KIAA1217: variants seen among roughly 807,000 people sequenced by gnomAD.
KIAA1217 encodes KIAA1217.
Under a neutral mutation model 163.9 loss-of-function variants are expected in KIAA1217, and 88 were observed. The ratio of observed to expected loss-of-function variants is 0.54; its 90% CI spans 0.45 to 0.64. The LOEUF is 0.64. Ranked by LOEUF, KIAA1217 falls within the 30% of genes least tolerant of loss-of-function variation. The pLI, the probability that KIAA1217 is intolerant of heterozygous loss-of-function variation, is 0.00. For missense variants in KIAA1217, 2,372 were observed against 2,475.0 expected (o/e 0.96, Z 0.88); for synonymous variants, 903 against 923.1 (o/e 0.98, Z 0.39).
At chr10:24,262,141 T>C (rs1041455194) in intron 2 of KIAA1217, among the ~76,000 whole-genome samples, 3 of 152,040 alleles carry the variant, frequency 2.0e-5, no homozygotes, top group South Asian at 2.1e-4. Context: ...GGGGATTTAT[T>C]TGAGGTCTGG....
In KIAA1217 at chr10:24,184,984, T is replaced by A. The variant is rs181272270; in HGVS notation, c.-170-34642T>A. On this transcript the variant is annotated intron_variant, in intron 2 of 18. Coordinates refer to the KIAA1217 transcript ENST00000376462. Reference sequence around the variant, plus strand: ...GTATGTGTGACATTTATAAAATATATGTTTCTGTATGTAAAAAGAGAAAGA... The same window carrying A: ...GTATGTGTGACATTTATAAAATATAAGTTTCTGTATGTAAAAAGAGAAAGA... Among the ~76,000 whole-genome samples the A allele has an allele frequency of 3.3e-5, 5 of 152,344 alleles. No individual in the cohort carries two copies. The East Asian group carries it at 7.7e-4, about 23-fold the overall frequency.
At chr10:24,518,163 T>C (rs983475962) in intron 10 of KIAA1217, among the ~76,000 whole-genome samples, 1 of 152,194 alleles carries the variant, frequency 6.6e-6, no homozygotes, top group Admixed American at 6.5e-5. Flanking sequence ...TGCTGTAAAC[T>C]GTGACGTCTA....
At chr10:24,448,743 G>A (rs1388923406) in intron 5 of KIAA1217, among the ~76,000 whole-genome samples, 1 of 152,106 alleles carries the variant, frequency 6.6e-6, no homozygotes. Flanking sequence ...AACTTACACC[G>A]TAAGGGTGAT....
intron 1 of KIAA1217, among the ~76,000 whole-genome samples, chr10:23,762,374 A>G (rs1277659708): frequency 6.6e-6 from 1 of 152,054 alleles, no homozygotes; most frequent in Non-Finnish European, 1.5e-5. Context: ...ATCCTCATTA[A>G]CGGGCAAACC....
chr10:24,317,682 A>G (rs1481187218), intron 2 of KIAA1217, among the ~76,000 whole-genome samples: 3 of 152,202 alleles, frequency 2.0e-5, no homozygotes, highest in Non-Finnish European at 4.4e-5. Flanking sequence ...ACTCCAGAAT[A>G]CAATCTGGGC....
chr10:24,147,832 CAAAAAAAAAAAAAAAAAAAA>C (rs1176106711), intron 2 of KIAA1217, among the ~76,000 whole-genome samples: 1 of 20,772 alleles, frequency 4.8e-5, no homozygotes, highest in African/African-American at 1.7e-4. Context: ...TACTCTGTCT[CAAAAAAAAAAAAAAAAAAAA>C]AAAAAAAAAA....
chr10:23,710,268 T>A (rs1205112258), intron 1 of KIAA1217, among the ~76,000 whole-genome samples: 2 of 152,172 alleles, frequency 1.3e-5, no homozygotes, highest in African/African-American at 2.4e-5. Context: ...TAGTTTAAAA[T>A]TTTCCATTAA....
rs763222428 is a variant in KIAA1217 at position 24,536,908 on chromosome 10, G to A, written c.3534+15G>A. ...AGGAGAAGAAGGTAACGTGGCAACT[G>A]CACATTTGCCACACGGTTGGGAGTC... On this transcript the variant is annotated intron_variant, in intron 17 of 20. Transcript: ENST00000376454. 15 of 1,612,878 alleles carry A rather than the reference G, an allele frequency of 9.3e-6. No individual in the cohort carries two copies. The highest frequency in any genetic ancestry group is 8.3e-5 in the Admixed American group (5 of 59,930).
At chr10:23,850,549 G>T (rs1212969864) in intron 1 of KIAA1217, among the ~76,000 whole-genome samples, 1 of 152,094 alleles carries the variant, frequency 6.6e-6, no homozygotes, top group Non-Finnish European at 1.5e-5. Context: ...TGTGGGCCCA[G>T]TACCAGCTAG....
intron 1 of KIAA1217, among the ~76,000 whole-genome samples, chr10:23,950,226 C>A (rs1285044378): frequency 1.3e-5 from 2 of 152,006 alleles, no homozygotes; most frequent in Non-Finnish European, 2.9e-5. Context: ...GGATTTCTTC[C>A]CCATAAGATT....
intron 2 of KIAA1217, among the ~76,000 whole-genome samples, chr10:24,186,838 C>A (rs926710577): frequency 3.3e-5 from 5 of 152,038 alleles, no homozygotes; most frequent in Non-Finnish European, 7.4e-5. Context: ...TGCAGTGGGC[C>A]AAGACGGTGG....
At chr10:24,057,780 T>C (rs568840279) in intron 2 of KIAA1217, among the ~76,000 whole-genome samples, 7 of 152,326 alleles carry the variant, frequency 4.6e-5, no homozygotes, top group African/African-American at 1.7e-4. Flanking sequence ...CCGTAGGTGT[T>C]CCTTACCTAC....
chr10:24,050,986 T>C (rs982641535), intron 2 of KIAA1217, among the ~76,000 whole-genome samples: 1 of 152,166 alleles, frequency 6.6e-6, no homozygotes, highest in African/African-American at 2.4e-5. Flanking sequence ...GGAAAAGTTC[T>C]TTAGTGGTGA....
At chr10:24,052,880 A>G (rs1035039364) in intron 2 of KIAA1217, among the ~76,000 whole-genome samples, 2 of 152,184 alleles carry the variant, frequency 1.3e-5, no homozygotes, top group African/African-American at 4.8e-5. Context: ...TCTGCCTATT[A>G]GATTACCCAT....
In KIAA1217 at chr10:23,914,923, T is replaced by C. The variant is rs186680644; in HGVS notation, c.-320-92302T>C. Among the ~76,000 whole-genome samples, 341 of 152,052 alleles carry C rather than the reference T, an allele frequency of 2.2e-3. 4 individuals are homozygous for C. Among genetic ancestry groups the C allele is most frequent in the Non-Finnish European group, 7.4e-4 (50 of 67,986 alleles). ...TGGGATGCTCAAGGGAGATTTTGGGTGAGTAGATGTAGGTTTGAGAGTCAC... is the reference window on the plus strand; with the variant it reads ...TGGGATGCTCAAGGGAGATTTTGGGCGAGTAGATGTAGGTTTGAGAGTCAC... On this transcript the variant is annotated intron_variant, in intron 1 of 18. Coordinates refer to the KIAA1217 transcript ENST00000376462.
At chr10:24,140,425 C>A (rs1436202702) in intron 2 of KIAA1217, among the ~76,000 whole-genome samples, 3 of 151,388 alleles carry the variant, frequency 2.0e-5, no homozygotes, top group African/African-American at 7.3e-5. Context: ...GTCAGCAACA[C>A]TTTTCCTGCC....
At chr10:24,146,826 TG>T (rs2064338175) in intron 2 of KIAA1217, among the ~76,000 whole-genome samples, 1 of 152,060 alleles carries the variant, frequency 6.6e-6, no homozygotes, top group South Asian at 2.1e-4. Context: ...CTCCCAAAGA[TG>T]GAGAGACAAA....
chr10:24,416,464 C>G (rs917334887), intron 3 of KIAA1217, among the ~76,000 whole-genome samples: 9 of 152,196 alleles, frequency 5.9e-5, no homozygotes, highest in Non-Finnish European at 1.2e-4. Flanking sequence ...GGGAAACACC[C>G]CTTGTCTTTC....
intron 1 of KIAA1217, among the ~76,000 whole-genome samples, chr10:23,786,756 A>G (rs1008437264): frequency 3.9e-5 from 6 of 152,186 alleles, no homozygotes; most frequent in African/African-American, 1.4e-4. Flanking sequence ...CAGCAGGCTC[A>G]GGGAACCCAG....
Sources: allele counts gnomAD v4.1 joint callset (sites outside exome capture counted in the v4.1 genomes callset), GRCh38; gene constraint gnomAD v4.1.1; transcripts MANE v1.5; gene names NCBI Gene and HGNC (gene_info 2026-07-23, HGNC 2026-07-21).